Variants in CACNA2D4 observed in about 807,000 individuals in gnomAD.
CACNA2D4 encodes calcium voltage-gated channel auxiliary subunit alpha2delta 4.
CACNA2D4 carries 157 observed loss-of-function variants against 163.8 expected under a neutral mutation model. The ratio of observed to expected loss-of-function variants is 0.96; its 90% CI spans 0.84 to 1.09. The LOEUF (loss-of-function observed/expected upper bound fraction) is 1.09, where lower values mean the gene tolerates loss of function less well. Among genes scored for constraint, CACNA2D4 ranks in the 50% least tolerant of loss-of-function variants. The probability of loss-of-function intolerance (pLI) is 0.00; values close to 1 mark genes in which losing one functional copy is unlikely to be tolerated. For missense variants in CACNA2D4, 1,410 were observed against 1,479.9 expected (o/e 0.95, Z 0.78); for synonymous variants, 598 against 586.9 (o/e 1.02, Z -0.27).
intron 35 of CACNA2D4, 117 bp downstream of exon 35, chr12:1,797,300 TC>T: frequency 1.3e-6 from 1 of 758,892 alleles, no homozygotes; most frequent in Non-Finnish European, 2.2e-6. Flanking sequence ...CTTAGACGCA[TC>T]CCCTCCTCCC....
At chr12:1,793,849 C>T in intron 37 of CACNA2D4, 90 bp from the exon 38 acceptor site, 1 of 1,067,494 alleles carries the variant, frequency 9.4e-7, no homozygotes, top group Non-Finnish European at 1.4e-6. Flanking sequence ...GGGCCAAAAT[C>T]CTGGGGAAAG....
In CACNA2D4 at chr12:1,818,556, C is replaced by G. The variant is rs950508901; in HGVS notation, c.2552-6833G>C. 4.2e-4 allele frequency among the ~76,000 whole-genome samples: 64 copies of G among 151,612 alleles called. 1 individual carries two copies. The highest frequency in any genetic ancestry group is 1.5e-3 in the African/African-American group (62 of 40,990). ...GCGGTGCAAGATGTGCTTTGTTAAA[C>G]AGATGCTTGAAGGCAGCATGCTCGT... On this transcript the variant is annotated intron_variant, in intron 26 of 37. Coordinates refer to ENST00000382722, the MANE Select transcript of CACNA2D4 (RefSeq NM_172364.5).
chr12:1,905,488 T>C (rs1033044394), intron 6 of CACNA2D4, among the ~76,000 whole-genome samples: 2 of 152,148 alleles, frequency 1.3e-5, no homozygotes, highest in African/African-American at 4.8e-5. Flanking sequence ...TTAGTTCTAA[T>C]AAATAAATGC....
At chr12:1,826,858 A>C (rs1864353166) in intron 26 of CACNA2D4, among the ~76,000 whole-genome samples, 1 of 152,358 alleles carries the variant, frequency 6.6e-6, no homozygotes, top group South Asian at 2.1e-4. Context: ...AAACCTGCAC[A>C]GACAGGCCAA....
chr12:1,884,438 C>T (rs1206401434), intron 11 of CACNA2D4, 117 bp from the exon 12 acceptor site: 6 of 807,640 alleles, frequency 7.4e-6, no homozygotes, highest in Non-Finnish European at 1.0e-5. Context: ...TCGGGTTCTC[C>T]AATTTCACCC....
chr12:1,841,154 C>T (rs928101209), intron 25 of CACNA2D4, among the ~76,000 whole-genome samples: 12 of 152,222 alleles, frequency 7.9e-5, no homozygotes, highest in South Asian at 2.1e-4. Flanking sequence ...TCCCTTCCAA[C>T]GGCAGGAAGG....
chr12:1,818,846 C>T (rs1376978185), intron 26 of CACNA2D4, among the ~76,000 whole-genome samples: 1 of 143,830 alleles, frequency 7.0e-6, no homozygotes, highest in Non-Finnish European at 1.5e-5. Context: ...GGGACACAAA[C>T]ACTGCGGAAG....
chr12:1,901,001 T>A (rs921288349), intron 6 of CACNA2D4, among the ~76,000 whole-genome samples: 5 of 152,162 alleles, frequency 3.3e-5, no homozygotes, highest in Non-Finnish European at 4.4e-5. Context: ...ATAAAGTATT[T>A]TCTCTGATCA....
intron 23 of CACNA2D4, among the ~76,000 whole-genome samples, chr12:1,848,471 A>G (rs1276883827): frequency 2.6e-5 from 4 of 152,026 alleles, no homozygotes; most frequent in African/African-American, 9.7e-5. Flanking sequence ...AGAGGCACAC[A>G]CTCTGACTGA....
intron 23 of CACNA2D4, among the ~76,000 whole-genome samples, chr12:1,852,595 C>T (rs1338132016): frequency 4.6e-5 from 7 of 152,082 alleles, no homozygotes; most frequent in Non-Finnish European, 1.0e-4. Flanking sequence ...TTCTCCTTAA[C>T]TGTATGCTAT....
intron 6 of CACNA2D4, among the ~76,000 whole-genome samples, chr12:1,903,204 C>T (rs1163106393): frequency 1.3e-5 from 2 of 151,850 alleles, no homozygotes; most frequent in Non-Finnish European, 2.9e-5. Context: ...CACCATACAC[C>T]AAAATCAAAT....
chr12:1,889,579 C>T (rs894507655), intron 6 of CACNA2D4, among the ~76,000 whole-genome samples: 12 of 140,710 alleles, frequency 8.5e-5, no homozygotes, highest in African/African-American at 2.5e-4. Context: ...CTGCCTCAGC[C>T]GCCCCCCCCA....
intron 23 of CACNA2D4, among the ~76,000 whole-genome samples, chr12:1,852,358 C>T (rs189028815): frequency 6.6e-6 from 1 of 152,210 alleles, no homozygotes; most frequent in Admixed American, 6.5e-5. Flanking sequence ...TTTAATTCTA[C>T]TGAGTGGCTT....
chr12:1,868,061 C>G (rs1374462945), intron 18 of CACNA2D4, among the ~76,000 whole-genome samples: 1 of 152,100 alleles, frequency 6.6e-6, no homozygotes, highest in Non-Finnish European at 1.5e-5. Flanking sequence ...TATGGAGGAG[C>G]CTAAAGAAAT....
intron 18 of CACNA2D4, among the ~76,000 whole-genome samples, chr12:1,865,715 G>A (rs1452468035): frequency 1.3e-5 from 2 of 152,220 alleles, no homozygotes; most frequent in African/African-American, 2.4e-5. Flanking sequence ...CCGGGCGGCA[G>A]GCGCGAGGGG....
rs749074968 is a variant in CACNA2D4, at chr12:1,875,224, T to G, written c.1806+27A>C. On this transcript the variant is annotated intron_variant, in intron 17 of 37. Coordinates refer to ENST00000382722, the MANE Select transcript of CACNA2D4 (RefSeq NM_172364.5). The surrounding 1 kb of genome is among the most constrained non-coding windows in gnomAD (Gnocchi z 4.0). ...AGTTGGATGTAGAGCCTAACTAGCTTCCCTTCCCCCTATTTTCCCCACTCA... is the reference window on the plus strand; with the variant it reads ...AGTTGGATGTAGAGCCTAACTAGCTGCCCTTCCCCCTATTTTCCCCACTCA... 12 of 1,534,904 alleles carry G rather than the reference T, an allele frequency of 7.8e-6. No individual in the cohort carries two copies. The highest frequency in any genetic ancestry group is 1.1e-5 in the Non-Finnish European group (12 of 1,108,104).
At chr12:1,858,732 G>T (rs1865457285) in intron 19 of CACNA2D4, 88 bp from the exon 20 acceptor site, 1 of 998,638 alleles carries the variant, frequency 1.0e-6, no homozygotes, top group Non-Finnish European at 1.5e-6. Flanking sequence ...ACCAACACTA[G>T]GTGTATGGGC....
chr12:1,868,912 T>C, intron 18 of CACNA2D4, among the ~76,000 whole-genome samples: 1 of 152,198 alleles, frequency 6.6e-6, no homozygotes, highest in East Asian at 1.9e-4. Context: ...GTATTAGGTT[T>C]TATAAGTAAT....
intron 23 of CACNA2D4, among the ~76,000 whole-genome samples, chr12:1,848,380 C>T (rs1865198747): frequency 6.6e-6 from 1 of 152,356 alleles, no homozygotes; most frequent in East Asian, 1.9e-4. Context: ...TCTGTGTCCC[C>T]TGCATTGCCT....
Sources: allele counts gnomAD v4.1 joint callset (sites outside exome capture counted in the v4.1 genomes callset), GRCh38; gene constraint gnomAD v4.1.1; non-coding constraint Gnocchi (gnomAD v3.1); transcripts MANE v1.5; gene names NCBI Gene and HGNC (gene_info 2026-07-23, HGNC 2026-07-21).